CCL25: variants seen among roughly 807,000 people sequenced by gnomAD.
CCL25 encodes the protein C-C motif chemokine ligand 25.
Under a neutral mutation model 19.9 loss-of-function variants are expected in CCL25, and 14 were observed. The ratio of observed to expected loss-of-function variants is 0.70; its 90% CI spans 0.47 to 1.10. The LOEUF is 1.10. Among genes scored for constraint, CCL25 ranks in the 50% least tolerant of loss-of-function variants. CCL25 has a pLI of 0.00. For synonymous variants in CCL25, 68 were observed against 73.2 expected (o/e 0.93, Z 0.36); for missense variants, 151 against 181.2 (o/e 0.83, Z 0.96).
rs1282935406 is a variant in CCL25 at position 8,056,405 on chromosome 19, C to A, written c.231C>A (p.Asn77Lys). ...AGAGACACAGGAAGGTGTGTGGGAA[C>A]CCCAAAAGCAGGGAGGTGCAGAGAG... is the stretch of plus-strand genomic sequence containing the variant. ...LPKRHRKVCG[N>K]PKSREVQRAM... is the part of the protein sequence containing the mutation. Residue 77 changes from asparagine (N) to lysine (K), a missense_variant, in exon 4 of 6, where the codon AAC becomes AAA. Asn to Lys is a moderately conservative substitution (Grantham distance 94). Transcript: ENST00000315626. 2 of 1,613,960 alleles carry A rather than the reference C, an allele frequency of 1.2e-6. No homozygotes were observed. The highest frequency in any genetic ancestry group is 1.7e-6 in the Non-Finnish European group (2 of 1,179,956).
At chr19:8,057,717 G>A (rs2081282346) in intron 4 of CCL25, 84 bp from the exon 5 acceptor site, 1 of 1,485,890 alleles carries the variant, frequency 6.7e-7, no homozygotes, top group Non-Finnish European at 9.0e-7. Context: ...TAAATAACCA[G>A]TCAACAGCTT....
chr19:8,056,281 C>T lies in CCL25; in HGVS notation c.191+12C>T, dbSNP rs201319914. On this transcript the variant is annotated intron_variant, in intron 3 of 5. Transcript: ENST00000315626. ...CTGCCTGCTGCGATGTGAGTGGGGC[C>T]GTGGGGGCTGGGGGGGTGGGGTGCA... 9.8e-5 allele frequency: 46 copies of T among 468,704 alleles called. No homozygotes were observed. The highest frequency in any genetic ancestry group is 1.5e-4 in the Non-Finnish European group (41 of 281,438). The allele number at this position is 468,704 out of a possible 1,614,324, so 29.0% of individuals were successfully genotyped here. A position where few individuals can be genotyped will look rare whatever the true frequency, so the allele number is the denominator to read the frequency against.
Position 8,057,904 on chromosome 19 carries a change from G to C in CCL25, c.429G>C (p.Leu143=). The change falls in exon 5 of 6, where the codon CTG becomes CTC. Residue 143 remains leucine, a synonymous_variant. Transcript: ENST00000315626. ...ISSSKRNVSL[L]ISANSGL is the part of the protein sequence containing the mutation. ...GCAGTAAGAGGAATGTCTCCCTCCT[G>C]ATATCAGCTAATTCAGGTAAGGACT... The C allele has an allele frequency of 6.2e-7, 1 of 1,612,564 alleles. No individual in the cohort carries two copies. The highest frequency in any genetic ancestry group is 1.1e-5 in the South Asian group (1 of 91,002).
At chr19:8,061,083 G>A (rs2081315186) in intron 5 of CCL25, among the ~76,000 whole-genome samples, 1 of 150,888 alleles carries the variant, frequency 6.6e-6, no homozygotes, top group African/African-American at 2.4e-5. Flanking sequence ...CTCCAGGGTG[G>A]GTTCAGGTGA....
At chr19:8,059,061 TATATATA>T (rs1166730948) in intron 5 of CCL25, among the ~76,000 whole-genome samples, 790 of 70,756 alleles carry the variant, frequency 0.011, 7 homozygotes, top group African/African-American at 0.033. Flanking sequence ...AATATATAAA[TATATATA>T]ATATATAATA....
At chr19:8,060,640 CCCG>C (rs1407129604) in intron 5 of CCL25, among the ~76,000 whole-genome samples, 1 of 151,954 alleles carries the variant, frequency 6.6e-6, no homozygotes, top group Non-Finnish European at 1.5e-5. Context: ...GCCTCAGCCT[CCCG>C]AGTAGCTGGG....
chr19:8,056,824 G>T (rs1568334363), intron 4 of CCL25, among the ~76,000 whole-genome samples: 1 of 151,972 alleles, frequency 6.6e-6, no homozygotes, highest in Non-Finnish European at 1.5e-5. Flanking sequence ...GGGATTACAA[G>T]TGTGTGCCAC....
chr19:8,053,614 T>C (rs1302914090), intron 2 of CCL25, among the ~76,000 whole-genome samples: 1 of 149,534 alleles, frequency 6.7e-6, no homozygotes, highest in African/African-American at 2.5e-5. Context: ...AGTGGCGCGA[T>C]CTTGGCTCAC....
intron 4 of CCL25, among the ~76,000 whole-genome samples, chr19:8,057,316 G>C (rs1157194077): frequency 1.3e-5 from 2 of 148,988 alleles, no homozygotes; most frequent in African/African-American, 5.0e-5. Flanking sequence ...CACCATGCCT[G>C]GCTCCAGCTC....
At chr19:8,055,287 A>G (rs2081262051) in intron 2 of CCL25, among the ~76,000 whole-genome samples, 2 of 99,942 alleles carry the variant, frequency 2.0e-5, no homozygotes, top group South Asian at 3.5e-4. Context: ...AGACTCTGGA[A>G]AAAAAAAAAA....
chr19:8,053,383 T>G (rs1322087483), intron 2 of CCL25, among the ~76,000 whole-genome samples: 1 of 151,968 alleles, frequency 6.6e-6, no homozygotes, highest in Non-Finnish European at 1.5e-5. Flanking sequence ...GAGGGTGGCT[T>G]CCAGCTGTGG....
In CCL25 at chr19:8,056,132, G is replaced by A. The variant is rs756236553; in HGVS notation, c.74-20G>A. 5 of 1,484,700 alleles carry A rather than the reference G, an allele frequency of 3.4e-6. No individual in the cohort carries two copies. The highest frequency in any genetic ancestry group is 3.6e-6 in the Non-Finnish European group (4 of 1,098,462). 92.0% of individuals were successfully genotyped at this position (1,484,700 alleles called of 1,614,324 possible). On this transcript the variant is annotated intron_variant, in intron 2 of 5. Transcript: ENST00000315626. ...TTAACATGCAAGGGTGCGAGTATCT[G>A]GGCGGCTGTGTGGTTGCAGGTGTCT...
intron 2 of CCL25, among the ~76,000 whole-genome samples, chr19:8,054,353 T>G (rs1465755145): frequency 6.6e-6 from 1 of 152,222 alleles, no homozygotes; most frequent in African/African-American, 2.4e-5. Flanking sequence ...CCTCCAGCCT[T>G]GGGAACTACC....
At position 8,053,064 on chromosome 19, in the gene CCL25, C is replaced by T. The variant is rs777832520; in HGVS notation, c.15C>T (p.Leu5=). The T allele has an allele frequency of 6.4e-7, 1 of 1,552,416 alleles. No homozygotes were observed. The highest frequency in any genetic ancestry group is 1.2e-5 in the South Asian group (1 of 84,112). MNLW[L]LACLVAGFLG... is the part of the protein sequence containing the mutation. ...CCGCCTGCAGCATGAACCTGTGGCT[C>T]CTGGCCTGCCTGGTGGCCGGCTTCC... Residue 5 remains leucine (L), a synonymous_variant, in exon 2 of 6, where the codon CTC becomes CTT. Coordinates refer to ENST00000315626, the MANE Select transcript of CCL25 (RefSeq NM_005624.4).
At chr19:8,060,621 T>G (rs2081311012) in intron 5 of CCL25, among the ~76,000 whole-genome samples, 1 of 151,624 alleles carries the variant, frequency 6.6e-6, no homozygotes, top group South Asian at 2.1e-4. Context: ...TAGGACTACA[T>G]AGCTCACCGC....
chr19:8,056,488 A>G lies in CCL25; in HGVS notation c.314A>G (p.Gln105Arg). The change falls in exon 4 of 6, where the codon CAG (glutamine) becomes CGG (arginine). Residue 105 changes from glutamine (Q) to arginine (R), a missense_variant. By Grantham distance (43) the Gln-to-Arg change is conservative. Transcript: ENST00000315626. ...TTTGCAAAGCTCCACCACAACACGCAGACCTTCCAAGGTGGGCAAGACCTC... is the reference window on the plus strand; with the variant it reads ...TTTGCAAAGCTCCACCACAACACGCGGACCTTCCAAGGTGGGCAAGACCTC... ...KVFAKLHHNT[Q>R]TFQAGPHAVK... is the part of the protein sequence containing the mutation. The G allele has an allele frequency of 6.2e-7, 1 of 1,614,090 alleles. No individual in the cohort carries two copies. Among genetic ancestry groups the G allele is most frequent in the Non-Finnish European group, 8.5e-7 (1 of 1,180,020 alleles).
intron 4 of CCL25, among the ~76,000 whole-genome samples, chr19:8,057,145 T>G (rs183796577): frequency 0.011 from 1,632 of 150,390 alleles, 13 homozygotes; most frequent in Non-Finnish European, 0.016. Flanking sequence ...CTCAGCCCCC[T>G]AAGTAGCAGG....
chr19:8,061,226 T>C (rs1335165640), intron 5 of CCL25, among the ~76,000 whole-genome samples: 1 of 151,514 alleles, frequency 6.6e-6, no homozygotes, highest in African/African-American at 2.4e-5. Context: ...TGACCTCAAG[T>C]GATCTGCCCA....
At chr19:8,059,130 A>AT (rs1959261335) in intron 5 of CCL25, among the ~76,000 whole-genome samples, 10 of 91,852 alleles carry the variant, frequency 1.1e-4, no homozygotes, top group East Asian at 2.5e-4. Context: ...AATATATATA[A>AT]ATATATATTA....
Sources: allele counts gnomAD v4.1 joint callset (sites outside exome capture counted in the v4.1 genomes callset), GRCh38; gene constraint gnomAD v4.1.1; transcripts MANE v1.5; gene names NCBI Gene and HGNC (gene_info 2026-07-23, HGNC 2026-07-21).